DENND1C: variants seen among roughly 807,000 people sequenced by gnomAD.
DENND1C encodes DENN domain containing 1C.
DENND1C carries 64 observed loss-of-function variants against 87.9 expected under a neutral mutation model. The observed-to-expected ratio is 0.73, with a 90% CI of 0.60 to 0.90. The LOEUF is 0.90. DENND1C is among the 40% of genes least tolerant of loss of function. The probability of loss-of-function intolerance (pLI) is 0.00; values close to 1 mark genes in which losing one functional copy is unlikely to be tolerated. For synonymous variants in DENND1C, 384 were observed against 424.4 expected (o/e 0.90, Z 1.17); for missense variants, 980 against 1,037.0 (o/e 0.95, Z 0.76).
Position 6,475,404 on chromosome 19 carries a change from A to G in DENND1C, c.928-5T>C, listed in dbSNP as rs749816763. On this transcript the variant is annotated splice_region_variant and splice_polypyrimidine_tract_variant and intron_variant, in intron 13 of 22. Coordinates refer to ENST00000381480, the MANE Select transcript of DENND1C (RefSeq NM_024898.4). ...CCGGAGCCTCAGCAGGGACACCTGA[A>G]GCACAAGGGAGTGGCCCTGAGTGGG... is the stretch of plus-strand genomic sequence containing the variant. 1 of 1,611,388 alleles carries G rather than the reference A, an allele frequency of 6.2e-7. No individual in the cohort carries two copies. Among genetic ancestry groups the G allele is most frequent in the South Asian group, 1.1e-5 (1 of 91,012 alleles).
intron 10 of DENND1C, 115 bp from the exon 11 acceptor site, chr19:6,476,052 G>A: frequency 1.0e-6 from 1 of 976,534 alleles, no homozygotes; most frequent in Non-Finnish European, 1.5e-6. Flanking sequence ...TCCACTGCTG[G>A]ATAATGAGTG....
At chr19:6,481,033 T>A (rs1274972198) in intron 1 of DENND1C, among the ~76,000 whole-genome samples, 1 of 151,864 alleles carries the variant, frequency 6.6e-6, no homozygotes, top group African/African-American at 2.4e-5. Flanking sequence ...TGGCTGTGTG[T>A]CTCTGTGTGT....
At chr19:6,470,146 G>T in intron 18 of DENND1C, 149 bp downstream of exon 18, 1 of 732,576 alleles carries the variant, frequency 1.4e-6, no homozygotes. Context: ...AGTTGTTAAT[G>T]GTTTAACTGC....
At position 6,471,225 on chromosome 19, in the gene DENND1C, C is replaced by T. The variant is rs924511734; in HGVS notation, c.1290+40G>A. 3.2e-6 allele frequency: 5 copies of T among 1,559,498 alleles called. No homozygotes were observed. In the African/African-American group the frequency reaches 6.8e-5, roughly 21 times the overall value. On this transcript the variant is annotated intron_variant, in intron 17 of 22. Coordinates refer to ENST00000381480, the MANE Select transcript of DENND1C (RefSeq NM_024898.4). ...CTCCTAATGTGTTGGGATTACAGGC[C>T]TAAGCCAACGCCCACGGCCTATTGT...
At chr19:6,468,759 G>A (rs1263713039) in intron 20 of DENND1C, 87 bp downstream of exon 20, 1 of 1,384,722 alleles carries the variant, frequency 7.2e-7, no homozygotes, top group African/African-American at 1.4e-5. Context: ...GTTGAAGAAG[G>A]AGGTGAGATG....
At position 6,475,316 on chromosome 19, in the gene DENND1C, G is replaced by A; in HGVS notation, c.1011C>T (p.Ala337=). The change falls in exon 14 of 23, where the codon GCC becomes GCT. Residue 337 remains alanine, a synonymous_variant. Transcript: ENST00000381480. ...GVSRLFLKAQ[A]LLFGGYRDAL... Reference sequence around the variant, plus strand: ...CGTCGCGGTACCCCCCGAAGAGCAGGGCCTGGGCTTTGAGGAAGAGACGGG... The same window carrying A: ...CGTCGCGGTACCCCCCGAAGAGCAGAGCCTGGGCTTTGAGGAAGAGACGGG... 2 of 1,613,402 alleles carry A rather than the reference G, an allele frequency of 1.2e-6. No homozygotes were observed. The highest frequency in any genetic ancestry group is 1.7e-6 in the Non-Finnish European group (2 of 1,179,820).
intron 14 of DENND1C, 34 bp downstream of exon 14, chr19:6,475,240 A>G (rs1357697791): frequency 3.7e-6 from 6 of 1,610,798 alleles, no homozygotes; most frequent in Non-Finnish European, 5.1e-6. Context: ...TCAGGAACCC[A>G]CGAGACCTCT....
rs1454695665 is a variant in DENND1C at position 6,470,364 on chromosome 19, T to C, written c.1293A>G (p.Lys431=). 2 of 1,612,320 alleles carry C rather than the reference T, an allele frequency of 1.2e-6. No homozygotes were observed. Among genetic ancestry groups the C allele is most frequent in the African/African-American group, 2.7e-5 (2 of 74,840 alleles). The part of the protein sequence containing the change: ...SYQLWADNLK[K]GGGALLHSVK... ...CTGAGTGCAGGAGGGCGCCACCACCTTTCTGCGGGAGAGAAGATACCAAGG... is the reference window on the plus strand; with the variant it reads ...CTGAGTGCAGGAGGGCGCCACCACCCTTCTGCGGGAGAGAAGATACCAAGG... The change falls in exon 18 of 23, where the codon AAA becomes AAG. Residue 431 remains lysine (K), a splice_region_variant and synonymous_variant. Transcript: ENST00000381480.
In DENND1C at chr19:6,468,662, C is replaced by T. The variant is rs759853453; in HGVS notation, c.1516-17G>A. 6.1e-5 allele frequency: 90 copies of T among 1,468,910 alleles called. No individual in the cohort carries two copies. The South Asian group carries it at 7.8e-4, about 13-fold the overall frequency. 91.0% of individuals were successfully genotyped at this position (1,468,910 alleles called of 1,614,324 possible). Reference sequence around the variant, plus strand: ...GGGCCGGTTCTGCAAAGGGTGGGGGCGATAGGACCTCAGGAGACTGCAGAA... The same window carrying T: ...GGGCCGGTTCTGCAAAGGGTGGGGGTGATAGGACCTCAGGAGACTGCAGAA... On this transcript the variant is annotated splice_polypyrimidine_tract_variant and intron_variant, in intron 20 of 22. Coordinates refer to ENST00000381480, the MANE Select transcript of DENND1C (RefSeq NM_024898.4).
intron 6 of DENND1C, among the ~76,000 whole-genome samples, chr19:6,477,785 C>G (rs1367252988): frequency 1.4e-5 from 2 of 146,996 alleles, no homozygotes; most frequent in African/African-American, 4.9e-5. Flanking sequence ...CCTTGTAGGC[C>G]GGGCGCGGTG....
intron 16 of DENND1C, 30 bp from the exon 17 acceptor site, chr19:6,471,335 C>G: frequency 1.3e-6 from 2 of 1,594,748 alleles, no homozygotes; most frequent in Non-Finnish European, 8.5e-7. Context: ...TGGTGGTCAC[C>G]GAAGGCTGGC....
chr19:6,467,223 C>T lies in DENND1C; in HGVS notation c.*281G>A. On this transcript the variant is annotated 3_prime_UTR_variant, in exon 23 of 23. Coordinates refer to ENST00000381480, the MANE Select transcript of DENND1C (RefSeq NM_024898.4). ...AATTAGTAGTGAGATGTAACAAAAG[C>T]TTTATTGGTGTGTTTGAGCTGGTGG... The T allele has an allele frequency of 1.9e-6, 1 of 527,958 alleles. No individual in the cohort carries two copies. The highest frequency in any genetic ancestry group is 3.7e-5 in the South Asian group (1 of 26,758). The allele number at this position is 527,958 out of a possible 1,614,324, so 32.7% of individuals were successfully genotyped here. A position where few individuals can be genotyped will look rare whatever the true frequency, so the allele number is the denominator to read the frequency against.
In DENND1C at chr19:6,470,370, C is replaced by G; in HGVS notation, c.1291-4G>C. Reference sequence around the variant, plus strand: ...GCAGGAGGGCGCCACCACCTTTCTGCGGGAGAGAAGATACCAAGGGGGAGA... The same window carrying G: ...GCAGGAGGGCGCCACCACCTTTCTGGGGGAGAGAAGATACCAAGGGGGAGA... On this transcript the variant is annotated splice_polypyrimidine_tract_variant and splice_region_variant and intron_variant, in intron 17 of 22. Transcript: ENST00000381480. The G allele has an allele frequency of 6.2e-7, 1 of 1,611,802 alleles. No homozygotes were observed. The highest frequency in any genetic ancestry group is 8.5e-7 in the Non-Finnish European group (1 of 1,179,066).
intron 6 of DENND1C, among the ~76,000 whole-genome samples, chr19:6,478,012 T>A (rs571512012): frequency 6.6e-6 from 1 of 151,328 alleles, no homozygotes; most frequent in South Asian, 2.1e-4. Context: ...AATGCGGAGG[T>A]TGCAGTGAGG....
intron 15 of DENND1C, among the ~76,000 whole-genome samples, chr19:6,472,435 G>C (rs2092834882): frequency 6.6e-6 from 1 of 152,156 alleles, no homozygotes; most frequent in Non-Finnish European, 1.5e-5. Flanking sequence ...CTATTATCCA[G>C]GCTGGAGTGC....
intron 6 of DENND1C, among the ~76,000 whole-genome samples, chr19:6,478,409 A>ATTT (rs36008668): frequency 2.9e-3 from 391 of 136,110 alleles, no homozygotes; most frequent in African/African-American, 7.9e-3. Flanking sequence ...CGGCCGGCTA[A>ATTT]TTTTTTTTTT....
rs768841845 is a variant in DENND1C, at chr19:6,468,359, C to A, written c.1666G>T (p.Glu556Ter). 7 of 1,613,832 alleles carry A rather than the reference C, an allele frequency of 4.3e-6. No individual in the cohort carries two copies. Among genetic ancestry groups the A allele is most frequent in the Non-Finnish European group, 5.9e-6 (7 of 1,179,878 alleles). Residue 556 changes from glutamate to a stop codon, truncating the protein, a stop_gained, in exon 22 of 23, where the codon GAA (glutamate) becomes TAA (stop). Transcript: ENST00000381480. LOFTEE classifies it high-confidence loss of function. ...AGAATCTCGCTCAACAAATCCAGTT[C>A]TTCTCCAGACCCCAAGAAGCTGCTG... is the stretch of plus-strand genomic sequence containing the variant. The part of the protein sequence containing the change: ...LDSSFLGSGE[E>*]LDLLSEILDS...
At chr19:6,473,605 G>T (rs1029231031) in intron 14 of DENND1C, among the ~76,000 whole-genome samples, 2 of 151,666 alleles carry the variant, frequency 1.3e-5, no homozygotes, top group African/African-American at 4.9e-5. Flanking sequence ...CAAGTAGCTG[G>T]GACCACAGGT....
In DENND1C at chr19:6,468,231, C is replaced by T. The variant is rs1277168022; in HGVS notation, c.1791+3G>A. 6.2e-7 allele frequency: 1 copy of T among 1,613,174 alleles called. No individual in the cohort carries two copies. The highest frequency in any genetic ancestry group is 8.5e-7 in the Non-Finnish European group (1 of 1,179,486). On this transcript the variant is annotated splice_donor_region_variant and intron_variant, in intron 22 of 22. Coordinates refer to ENST00000381480, the MANE Select transcript of DENND1C (RefSeq NM_024898.4). ...GGGTTGGGGGAGTGGGCGAGGCTCTCACCAGGCTGAAGCAGCTGTCCAGGT... is the reference window on the plus strand; with the variant it reads ...GGGTTGGGGGAGTGGGCGAGGCTCTTACCAGGCTGAAGCAGCTGTCCAGGT...
Sources: gnomAD v4.1 joint callset for allele counts (sites outside exome capture counted in the v4.1 genomes callset) on GRCh38, gnomAD v4.1.1 for gene constraint, MANE v1.5 for transcripts, NCBI Gene and HGNC (gene_info 2026-07-23, HGNC 2026-07-21) for gene names.